Variants in CDH23 observed in about 807,000 individuals in gnomAD.
CDH23 encodes the protein cadherin-23.
Under a neutral mutation model 317.1 loss-of-function variants are expected in CDH23, and 189 were observed. That is an observed-to-expected ratio of 0.60 (90% confidence interval 0.53 to 0.67). The LOEUF is 0.67. Among genes scored for constraint, CDH23 ranks in the 30% least tolerant of loss-of-function variants. The pLI, the probability that CDH23 is intolerant of heterozygous loss-of-function variation, is 0.00. For synonymous variants in CDH23, 1,839 were observed against 1,876.8 expected (o/e 0.98, Z 0.52); for missense variants, 4,401 against 4,592.4 (o/e 0.96, Z 1.20).
chr10:71,410,902 T>C (rs1848319164), intron 1 of CDH23, among the ~76,000 whole-genome samples: 1 of 152,238 alleles, frequency 6.6e-6, no homozygotes, highest in African/African-American at 2.4e-5. Flanking sequence ...GGGTTGCTTT[T>C]ATTCTTGGCT....
At chr10:71,806,062 T>TG (rs1390613055) in intron 56 of CDH23, 65 bp downstream of exon 56, 1 of 1,535,830 alleles carries the variant, frequency 6.5e-7, no homozygotes, top group African/African-American at 1.4e-5. Context: ...GGGCGGGTCT[T>TG]GCACCTCGCC....
intron 19 of CDH23, among the ~76,000 whole-genome samples, chr10:71,688,881 CCAGG>C: frequency 1.2e-5 from 1 of 82,276 alleles, no homozygotes; most frequent in Non-Finnish European, 2.5e-5. Flanking sequence ...GATGATGGAG[CCAGG>C]GGTGGTGGAG....
At chr10:71,630,968 G>A (rs142432907) in intron 11 of CDH23, among the ~76,000 whole-genome samples, 113 of 152,314 alleles carry the variant, frequency 7.4e-4, no homozygotes, top group African/African-American at 2.3e-3. Flanking sequence ...CCGGTGGCCG[G>A]CATGGCGGCC....
chr10:71,657,364 C>T (rs1168550836), intron 14 of CDH23, among the ~76,000 whole-genome samples: 1 of 152,246 alleles, frequency 6.6e-6, no homozygotes, highest in Non-Finnish European at 1.5e-5. Context: ...GGCCTGCCTA[C>T]AGCAAGTGCT....
chr10:71,702,524 C>G (rs757922762), intron 23 of CDH23, 25 bp from the exon 24 acceptor site: 1 of 1,613,596 alleles, frequency 6.2e-7, no homozygotes, highest in African/African-American at 1.3e-5. Context: ...CTGTCCTTGG[C>G]CCCTTCTCGC....
chr10:71,790,256 G>A (rs752606313), intron 45 of CDH23, 32 bp from the exon 46 acceptor site: 13 of 1,612,340 alleles, frequency 8.1e-6, no homozygotes, highest in South Asian at 1.1e-5. Context: ...GGCTGGGTTG[G>A]TCTTGTGGTG....
chr10:71,641,605 A>G (rs928970733), intron 11 of CDH23, among the ~76,000 whole-genome samples: 1 of 152,172 alleles, frequency 6.6e-6, no homozygotes, highest in Admixed American at 6.5e-5. Context: ...TAGAAATGCA[A>G]AGTTACAGGC....
At chr10:71,764,328 C>T (rs982191992) in intron 38 of CDH23, among the ~76,000 whole-genome samples, 16 of 152,012 alleles carry the variant, frequency 1.1e-4, no homozygotes, top group Admixed American at 2.6e-4. Flanking sequence ...AGAGAACTTA[C>T]GTAACTCACT....
chr10:71,789,559 C>T (rs1480828583), intron 45 of CDH23, among the ~76,000 whole-genome samples: 2 of 152,178 alleles, frequency 1.3e-5, no homozygotes, highest in Non-Finnish European at 2.9e-5. Context: ...TGAGGTGGCA[C>T]CTGCACTCCT....
chr10:71,809,703 G>A, intron 60 of CDH23, 117 bp from the exon 61 acceptor site: 1 of 1,421,888 alleles, frequency 7.0e-7, no homozygotes, highest in Non-Finnish European at 9.5e-7. Context: ...GCTGTGCCCT[G>A]TGGGCATTTG....
At chr10:71,593,131 A>T (rs889286241) in intron 9 of CDH23, among the ~76,000 whole-genome samples, 1 of 152,366 alleles carries the variant, frequency 6.6e-6, no homozygotes, top group Middle Eastern at 3.4e-3. Context: ...TCAAAGATAG[A>T]CAGACTGATG....
chr10:71,807,655 A>T lies in CDH23; in HGVS notation c.8448A>T (p.Gly2816=), dbSNP rs2132989342. Residue 2816 remains glycine (G), a synonymous_variant, in exon 59 of 70, where the codon GGA becomes GGT. Coordinates refer to ENST00000224721, the MANE Select transcript of CDH23 (RefSeq NM_022124.6). ...ATCGCAGCTGGACACCTCCCCGTGG[A>T]CCCTCCCCAACCCTCGACCTGGTTG... ...SSNRSWTPPR[G]PSPTLDLVAD... is the part of the protein sequence containing the mutation. 6.2e-7 allele frequency: 1 copy of T among 1,613,756 alleles called. No individual in the cohort carries two copies. The highest frequency in any genetic ancestry group is 8.5e-7 in the Non-Finnish European group (1 of 1,179,806).
At chr10:71,440,857 T>C (rs1218894599) in intron 2 of CDH23, among the ~76,000 whole-genome samples, 1 of 152,064 alleles carries the variant, frequency 6.6e-6, no homozygotes, top group East Asian at 1.9e-4. Flanking sequence ...CGCAAACACA[T>C]TCCTGTGGGG....
chr10:71,793,502 G>C lies in CDH23; in HGVS notation c.6574G>C (p.Val2192Leu). 1 of 1,613,952 alleles carries C rather than the reference G, an allele frequency of 6.2e-7. No homozygotes were observed. The highest frequency in any genetic ancestry group is 1.1e-5 in the South Asian group (1 of 91,072). ...GCTGGAGTCGGCTGAGCCAGGCACT[G>C]TCATTGCCAATATCACGGCCATTGA... is the stretch of plus-strand genomic sequence containing the variant. Reference protein sequence around the residue: ...SVLESAEPGTVIANITAIDHD... With the variant: ...SVLESAEPGTLIANITAIDHD... The change falls in exon 48 of 70, where the codon GTC (valine) becomes CTC (leucine). Residue 2192 changes from valine to leucine, a missense_variant. This residue lies in a region of CDH23 where 3,068 missense variants were observed against 3,203.3 expected (regional missense o/e 0.96). Transcript: ENST00000224721.
At chr10:71,446,283 G>A (rs200685398) in intron 2 of CDH23, 35 bp from the exon 3 acceptor site, 1 of 1,597,960 alleles carries the variant, frequency 6.3e-7, no homozygotes, top group Non-Finnish European at 8.6e-7. Flanking sequence ...CTGATGGGGG[G>A]TACTTGGCTG....
intron 6 of CDH23, among the ~76,000 whole-genome samples, chr10:71,564,782 A>G (rs1367447751): frequency 2.0e-5 from 3 of 152,168 alleles, no homozygotes; most frequent in African/African-American, 4.8e-5. Flanking sequence ...TTGTTGTTAA[A>G]TATTTGGTAG....
chr10:71,785,204 T>C (rs1341633477), intron 43 of CDH23, 104 bp downstream of exon 43: 3 of 921,340 alleles, frequency 3.3e-6, no homozygotes, highest in Non-Finnish European at 4.9e-6. Context: ...TCCACCGGGC[T>C]CCCGTTCCTG....
In CDH23 at chr10:71,694,131, C is replaced by T; in HGVS notation, c.2177-16C>T. The T allele has an allele frequency of 6.2e-7, 1 of 1,609,356 alleles. No homozygotes were observed. The highest frequency in any genetic ancestry group is 8.5e-7 in the Non-Finnish European group (1 of 1,175,824). On this transcript the variant is annotated splice_polypyrimidine_tract_variant and intron_variant, in intron 20 of 69. Coordinates refer to ENST00000224721, the MANE Select transcript of CDH23 (RefSeq NM_022124.6). ...CCACCCAAACCCTCTCACGCACCCA[C>T]TTCTCTCTCTGGCAGGGGAAATCAC...
chr10:71,449,924 C>T (rs983701585), intron 3 of CDH23, among the ~76,000 whole-genome samples: 1 of 152,238 alleles, frequency 6.6e-6, no homozygotes, highest in East Asian at 1.9e-4. Flanking sequence ...GTGTAATGTT[C>T]TTTTTGAAGA....
Sources: gnomAD v4.1 joint callset for allele counts (sites outside exome capture counted in the v4.1 genomes callset) on GRCh38, gnomAD v4.1.1 for gene constraint, gnomAD v4.1.1 regional missense constraint, MANE v1.5 for transcripts, NCBI Gene and HGNC (gene_info 2026-07-23, HGNC 2026-07-21) for gene names.